KLHL20: variants seen among roughly 807,000 people sequenced by gnomAD.
KLHL20 encodes the protein kelch-like protein 20.
KLHL20 carries 29 observed loss-of-function variants against 69.5 expected under a neutral mutation model. That is an observed-to-expected ratio of 0.42 (90% CI 0.31 to 0.57). The LOEUF (loss-of-function observed/expected upper bound fraction) is 0.57, where lower values mean the gene tolerates loss of function less well. KLHL20 is among the 20% of genes least tolerant of loss of function. KLHL20 has a pLI of 0.18. For synonymous variants in KLHL20, 253 were observed against 265.2 expected (o/e 0.95, Z 0.45); for missense variants, 419 against 776.0 (o/e 0.54, Z 5.47).
At chr1:173,719,551 G>A (rs1336379435) in intron 2 of KLHL20, among the ~76,000 whole-genome samples, 1 of 152,056 alleles carries the variant, frequency 6.6e-6, no homozygotes, top group African/African-American at 2.4e-5. Context: ...CCCAGCAGGT[G>A]GAGGTTGCAG....
intron 10 of KLHL20, among the ~76,000 whole-genome samples, chr1:173,776,164 T>G (rs768724826): frequency 6.6e-6 from 1 of 152,212 alleles, no homozygotes; most frequent in Non-Finnish European, 1.5e-5. Flanking sequence ...GTAATTTTCA[T>G]TTCCATTTCT....
chr1:173,742,674 T>C (rs1480972653), intron 3 of KLHL20, among the ~76,000 whole-genome samples: 2 of 151,122 alleles, frequency 1.3e-5, no homozygotes, highest in South Asian at 2.1e-4. Flanking sequence ...TGTGTATATA[T>C]ATGCATATAT....
At chr1:173,733,586 A>G in intron 2 of KLHL20, 127 bp from the exon 3 acceptor site, 1 of 858,344 alleles carries the variant, frequency 1.2e-6, no homozygotes, top group Non-Finnish European at 1.8e-6. Context: ...CATCTCTACA[A>G]AAAATTTAAA....
intron 10 of KLHL20, among the ~76,000 whole-genome samples, chr1:173,777,885 G>A (rs567404291): frequency 6.6e-6 from 1 of 152,140 alleles, no homozygotes; most frequent in Non-Finnish European, 1.5e-5. Context: ...TTTTTGATGT[G>A]TCTTTGTCTG....
intron 3 of KLHL20, among the ~76,000 whole-genome samples, chr1:173,750,062 A>T (rs1198676624): frequency 1.3e-5 from 2 of 152,160 alleles, no homozygotes; most frequent in African/African-American, 4.8e-5. Flanking sequence ...AAGCCGCCCT[A>T]CCACAGAGAA....
chr1:173,750,982 C>T (rs1032801041), intron 3 of KLHL20, among the ~76,000 whole-genome samples: 9 of 152,168 alleles, frequency 5.9e-5, no homozygotes, highest in African/African-American at 2.2e-4. Context: ...CCATCAACTT[C>T]ATTAGAGGTA....
chr1:173,771,725 A>G (rs1375867930), intron 8 of KLHL20, among the ~76,000 whole-genome samples: 1 of 152,164 alleles, frequency 6.6e-6, no homozygotes, highest in Non-Finnish European at 1.5e-5. Context: ...CTATGATTGC[A>G]CCACTCTACC....
chr1:173,775,400 A>T (rs1012320031), intron 9 of KLHL20, among the ~76,000 whole-genome samples: 1 of 152,220 alleles, frequency 6.6e-6, no homozygotes, highest in African/African-American at 2.4e-5. Flanking sequence ...AACTAGAACC[A>T]GAGTATCTGG....
intron 2 of KLHL20, among the ~76,000 whole-genome samples, chr1:173,723,125 A>G (rs1671793232): frequency 6.6e-6 from 1 of 152,218 alleles, no homozygotes; most frequent in African/African-American, 2.4e-5. Context: ...TGACAATAAC[A>G]CTTTACTTTC....
intron 2 of KLHL20, among the ~76,000 whole-genome samples, chr1:173,718,541 G>A (rs1203712185): frequency 1.4e-5 from 2 of 146,072 alleles, no homozygotes; most frequent in Non-Finnish European, 3.0e-5. Flanking sequence ...GCAAGACAGT[G>A]TCTCAAAAAA....
At chr1:173,755,059 C>CTTTTTTTTT (rs372616022) in intron 5 of KLHL20, among the ~76,000 whole-genome samples, 1 of 133,542 alleles carries the variant, frequency 7.5e-6, no homozygotes. Flanking sequence ...AAGTCTTTGT[C>CTTTTTTTTT]TTTTTTTTTT....
intron 3 of KLHL20, among the ~76,000 whole-genome samples, chr1:173,742,709 T>C (rs1404873746): frequency 6.6e-6 from 1 of 151,088 alleles, no homozygotes; most frequent in African/African-American, 2.4e-5. Context: ...TACATATACA[T>C]ATGTACACAT....
At chr1:173,719,898 T>A (rs1480043084) in intron 2 of KLHL20, among the ~76,000 whole-genome samples, 1 of 152,234 alleles carries the variant, frequency 6.6e-6, no homozygotes, top group Non-Finnish European at 1.5e-5. Context: ...CAAACCTTTA[T>A]ATAGTACCAC....
intron 7 of KLHL20, among the ~76,000 whole-genome samples, chr1:173,765,835 A>C (rs558280965): frequency 1.8e-4 from 28 of 152,276 alleles, no homozygotes; most frequent in African/African-American, 6.0e-4. Flanking sequence ...ACCTATATGA[A>C]AGCATTTTAC....
intron 5 of KLHL20, among the ~76,000 whole-genome samples, chr1:173,754,111 T>C (rs890453015): frequency 2.6e-5 from 4 of 152,222 alleles, no homozygotes; most frequent in Admixed American, 6.5e-5. Context: ...AGAATGGTGG[T>C]AGGACATGTA....
At chr1:173,740,721 A>T (rs1672766905) in intron 3 of KLHL20, among the ~76,000 whole-genome samples, 1 of 150,930 alleles carries the variant, frequency 6.6e-6, no homozygotes, top group South Asian at 2.1e-4. Context: ...TCTGGAGTTG[A>T]TTTCTCCCCG....
intron 3 of KLHL20, chr1:173,742,064 A>G (rs1571880706): frequency 4.8e-6 from 2 of 414,630 alleles, no homozygotes; most frequent in East Asian, 7.3e-5. Context: ...ACACAAACCG[A>G]TGACCTAACA....
At chr1:173,742,692 A>G (rs1321891607) in intron 3 of KLHL20, among the ~76,000 whole-genome samples, 2 of 150,930 alleles carry the variant, frequency 1.3e-5, no homozygotes, top group Non-Finnish European at 3.0e-5. Context: ...TATCGTATGT[A>G]TATGTGTACA....
At chr1:173,777,081 C>T (rs1261139442) in intron 10 of KLHL20, among the ~76,000 whole-genome samples, 1 of 151,900 alleles carries the variant, frequency 6.6e-6, no homozygotes, top group African/African-American at 2.4e-5. Context: ...TTTGTGTGTC[C>T]TCTTCAATTT....
Sources: allele counts gnomAD v4.1 joint callset (sites outside exome capture counted in the v4.1 genomes callset), GRCh38; gene constraint gnomAD v4.1.1; transcripts MANE v1.5; gene names NCBI Gene and HGNC (gene_info 2026-07-23, HGNC 2026-07-21).